Variants in KIF1A observed in about 807,000 individuals in gnomAD.
KIF1A encodes kinesin-like protein KIF1A.
Under a neutral mutation model 227.3 loss-of-function variants are expected in KIF1A, and 46 were observed. That is an observed-to-expected ratio of 0.20 (90% CI 0.16 to 0.26). The LOEUF is 0.26. Among genes scored for constraint, KIF1A ranks in the 10% least tolerant of loss-of-function variants. The pLI is 1.00. For synonymous variants in KIF1A, 1,022 were observed against 1,012.8 expected, an observed-to-expected ratio of 1.01 and a Z score of -0.17; for missense variants, 1,683 against 2,485.9, an observed-to-expected ratio of 0.68 and a Z score of 6.87.
chr2:240,767,408 C>CTG, intron 17 of KIF1A, 63 bp from the exon 18 acceptor site: 1 of 1,320,792 alleles, frequency 7.6e-7, no homozygotes, highest in Non-Finnish European at 1.1e-6. Context: ...CTGGCCACAC[C>CTG]CCCCTCCAAC....
chr2:240,779,417 C>T lies in KIF1A; in HGVS notation c.882+3173G>A, dbSNP rs115700822. On this transcript the variant is annotated intron_variant, in intron 10 of 48. Coordinates refer to ENST00000498729, the MANE Select transcript of KIF1A (RefSeq NM_001244008.2). ...ACACTCAGTTCCTCATCGTTCCACA[C>T]TCAGGTCCTCACTCACTTCCTCACT... 7.5e-3 allele frequency among the ~76,000 whole-genome samples: 1,123 copies of T among 149,712 alleles called. 59 individuals carry two copies. The highest frequency in any genetic ancestry group is 0.026 in the African/African-American group (1,037 of 39,188).
At chr2:240,782,036 G>A (rs1286714812) in intron 10 of KIF1A, 29 of 985,218 alleles carry the variant, frequency 2.9e-5, no homozygotes, top group Non-Finnish European at 3.3e-5. Context: ...GCATTCCCAC[G>A]CTGGCTCACT....
chr2:240,773,793 G>A (rs953117486), intron 12 of KIF1A, among the ~76,000 whole-genome samples: 3 of 152,128 alleles, frequency 2.0e-5, no homozygotes, highest in Non-Finnish European at 4.4e-5. Context: ...ATGGCTAGGG[G>A]CCCAGGCTCC....
rs775661548 is a variant in KIF1A at position 240,741,298 on chromosome 2, G to A, written c.3720C>T (p.Phe1240=). The part of the protein sequence containing the change: ...CHCKYDLLVY[F]EICELEANGD... ...CGTTGGCCTCCAGCTCACAGATCTC[G>A]AAGTAGACCAGCAGGTCGTACTTGC... The change falls in exon 35 of 49, where the codon TTC becomes TTT. Residue 1240 remains phenylalanine (F), a synonymous_variant. Coordinates refer to ENST00000498729, the MANE Select transcript of KIF1A (RefSeq NM_001244008.2). The A allele has an allele frequency of 6.3e-6, 10 of 1,599,144 alleles. No homozygotes were observed. The highest frequency in any genetic ancestry group is 4.5e-5 in the East Asian group (2 of 44,430).
At position 240,745,820 on chromosome 2, in the gene KIF1A, C is replaced by T. The variant is rs1041754142; in HGVS notation, c.3292G>A (p.Gly1098Ser). The T allele has an allele frequency of 2.5e-6, 4 of 1,612,804 alleles. No homozygotes were observed. The highest frequency in any genetic ancestry group is 2.5e-6 in the Non-Finnish European group (3 of 1,179,676). ...LDAALDHLRL[G>S]NTFTFRVTVL... Reference sequence around the variant, plus strand: ...GTCACACGGAAGGTGAAGGTGTTGCCCAGGCGGAGGTGGTCCAGGGCAGCA... The same window carrying T: ...GTCACACGGAAGGTGAAGGTGTTGCTCAGGCGGAGGTGGTCCAGGGCAGCA... Residue 1098 changes from glycine to serine, a missense_variant, in exon 31 of 49, where the codon GGC becomes AGC. By Grantham distance (56) the Gly-to-Ser change is moderately conservative (BLOSUM62 0). Coordinates refer to ENST00000498729, the MANE Select transcript of KIF1A (RefSeq NM_001244008.2).
intron 12 of KIF1A, among the ~76,000 whole-genome samples, chr2:240,773,685 C>T (rs894531573): frequency 1.2e-4 from 18 of 152,228 alleles, no homozygotes; most frequent in African/African-American, 3.9e-4. Flanking sequence ...ACATGAACCT[C>T]TATTGGGCCA....
rs1313246781 is a variant in KIF1A at position 240,778,013 on chromosome 2, C to CG, written c.883-2088dup. On this transcript the variant is annotated intron_variant, in intron 10 of 48. Transcript: ENST00000498729. This position sits in a 1 kb window ranked among gnomAD's most constrained non-coding sequence, Gnocchi z 7.2. The stretch of plus-strand genomic sequence containing the variant: ...CAAGGAGCTCTCGCCGTTCCCCGCA[C>CG]GGTTCCCACGCGGCTGCTCGCAGCT... Among the ~76,000 whole-genome samples the CG allele has an allele frequency of 6.6e-6, 1 of 152,202 alleles. No individual in the cohort carries two copies. Among genetic ancestry groups the CG allele is most frequent in the Admixed American group, 6.5e-5 (1 of 15,292 alleles).
rs561180633 is a variant in KIF1A, at chr2:240,777,043, T to C, written c.883-1117A>G. 6.6e-5 allele frequency among the ~76,000 whole-genome samples: 10 copies of C among 152,280 alleles called. No individual in the cohort carries two copies. In the South Asian group the frequency reaches 2.1e-3, roughly 32 times the overall value. ...TCTATTTCTAGTTTTTCTTTTGTTTTGTTTTTGTTTTTGTTTTTTGAGACA... is the reference window on the plus strand; with the variant it reads ...TCTATTTCTAGTTTTTCTTTTGTTTCGTTTTTGTTTTTGTTTTTTGAGACA... On this transcript the variant is annotated intron_variant, in intron 10 of 48. Transcript: ENST00000498729.
Position 240,742,909 on chromosome 2 carries a change from G to A in KIF1A, c.3640+20C>T. 1 of 1,606,586 alleles carries A rather than the reference G, an allele frequency of 6.2e-7. No homozygotes were observed. ...GAGGGGAGCTCACTGCCCTGAGACG[G>A]CTCCAGAGACCCTTCCTACCTGGCT... On this transcript the variant is annotated intron_variant, in intron 34 of 48. Transcript: ENST00000498729.
intron 1 of KIF1A, among the ~76,000 whole-genome samples, chr2:240,798,501 T>A (rs1448614547): frequency 6.6e-6 from 1 of 152,216 alleles, no homozygotes; most frequent in Non-Finnish European, 1.5e-5. Context: ...AAGCCAGGGC[T>A]GGGGGACCAG....
intron 1 of KIF1A, among the ~76,000 whole-genome samples, chr2:240,805,500 C>G (rs1295039231): frequency 2.0e-5 from 3 of 151,972 alleles, no homozygotes; most frequent in African/African-American, 7.3e-5. Flanking sequence ...AAATATAAAA[C>G]CAAAGTTCAG....
intron 38 of KIF1A, among the ~76,000 whole-genome samples, chr2:240,733,387 C>T (rs2046976257): frequency 6.6e-6 from 1 of 152,134 alleles, no homozygotes; most frequent in Non-Finnish European, 1.5e-5. Flanking sequence ...GAGAGGGAGG[C>T]CCCTGCTCAG....
chr2:240,808,149 A>G (rs1281326587), intron 1 of KIF1A, among the ~76,000 whole-genome samples: 2 of 152,198 alleles, frequency 1.3e-5, no homozygotes, highest in Non-Finnish European at 2.9e-5. Context: ...TTCTGGCCAA[A>G]CCAGTAAGAC....
chr2:240,743,455 G>T (rs1011794809), intron 33 of KIF1A, among the ~76,000 whole-genome samples: 1 of 152,206 alleles, frequency 6.6e-6, no homozygotes, highest in African/African-American at 2.4e-5. Context: ...ACCTTCAAGG[G>T]TCTGGGTGAG....
rs2047850844 is a variant in KIF1A at position 240,740,667 on chromosome 2, C to T, written c.3750-303G>A. 1.3e-5 allele frequency among the ~76,000 whole-genome samples: 2 copies of T among 152,082 alleles called. No homozygotes were observed. Among genetic ancestry groups the T allele is most frequent in the African/African-American group, 4.8e-5 (2 of 41,388 alleles). ...TAAGTTCCCAAGGGTCCTCTGCTTC[C>T]CCTCATGCCCTGCAGATCCGCAACC... On this transcript the variant is annotated intron_variant, in intron 35 of 48. Transcript: ENST00000498729. The surrounding 1 kb of genome is among the most constrained non-coding windows in gnomAD (Gnocchi z 6.1).
rs1252717713 is a variant in KIF1A at position 240,736,233 on chromosome 2, T to C, written c.4007+830A>G. ...AGACGTTTTCCTACAAACACAGCCA[T>C]GGAGACACCTGCGGCTTCAGCTCTG... On this transcript the variant is annotated intron_variant, in intron 38 of 48. Transcript: ENST00000498729. This position sits in a 1 kb window ranked among gnomAD's most constrained non-coding sequence, Gnocchi z 4.7. 6.6e-6 allele frequency among the ~76,000 whole-genome samples: 1 copy of C among 152,118 alleles called. No homozygotes were observed. Among genetic ancestry groups the C allele is most frequent in the Non-Finnish European group, 1.5e-5 (1 of 68,004 alleles).
chr2:240,773,392 C>T (rs1446928103), intron 12 of KIF1A, 136 bp from the exon 13 acceptor site: 2 of 1,021,226 alleles, frequency 2.0e-6, no homozygotes, highest in Non-Finnish European at 2.8e-6. Flanking sequence ...TGAGCCAGCA[C>T]AGCCTGGCAC....
At position 240,778,751 on chromosome 2, in the gene KIF1A, C is replaced by T. The variant is rs926590002; in HGVS notation, c.883-2825G>A. Reference sequence around the variant, plus strand: ...CAACCCCTCGCACACGTCTCTGCAGCTTTCCTCACGATTCTGCGCACCGTT... The same window carrying T: ...CAACCCCTCGCACACGTCTCTGCAGTTTTCCTCACGATTCTGCGCACCGTT... On this transcript the variant is annotated intron_variant, in intron 10 of 48. Coordinates refer to ENST00000498729, the MANE Select transcript of KIF1A (RefSeq NM_001244008.2). This position sits in a 1 kb window ranked among gnomAD's most constrained non-coding sequence, Gnocchi z 7.2. 6.6e-6 allele frequency among the ~76,000 whole-genome samples: 1 copy of T among 151,862 alleles called. No individual in the cohort carries two copies. The highest frequency in any genetic ancestry group is 1.5e-5 in the Non-Finnish European group (1 of 67,952).
chr2:240,724,934 CGGGGGG>C (rs869120244), intron 40 of KIF1A: 12 of 20,386 alleles, frequency 5.9e-4, no homozygotes, highest in East Asian at 4.5e-3. Context: ...TCACCGGCGG[CGGGGGG>C]GGGGGGGGGG....
Sources: allele counts gnomAD v4.1 joint callset (sites outside exome capture counted in the v4.1 genomes callset), GRCh38; gene constraint gnomAD v4.1.1; non-coding constraint Gnocchi (gnomAD v3.1); transcripts MANE v1.5; gene names NCBI Gene and HGNC (gene_info 2026-07-23, HGNC 2026-07-21).